Variants in LYRM1 observed in about 807,000 individuals in gnomAD.
The protein encoded by LYRM1 is LYR motif-containing protein 1.
In LYRM1, 14 loss-of-function variants were observed where a neutral mutation model predicts 14.9. The ratio of observed to expected loss-of-function variants is 0.94; its 90% CI spans 0.62 to 1.47. LYRM1 has a LOEUF of 1.47. LYRM1 is among the 40% of genes most tolerant of loss of function. The pLI, the probability that LYRM1 is intolerant of heterozygous loss-of-function variation, is 0.00. For missense variants in LYRM1, 153 were observed against 149.9 expected (o/e 1.02, Z -0.11); for synonymous variants, 43 against 56.2 (o/e 0.77, Z 1.05).
chr16:20,922,717 T>A (rs1419808161), intron 3 of LYRM1, among the ~76,000 whole-genome samples: 1 of 152,170 alleles, frequency 6.6e-6, no homozygotes, highest in Non-Finnish European at 1.5e-5. Flanking sequence ...CTCAAACTCC[T>A]GACTTGGTGA....
In LYRM1 at chr16:20,913,588, A is replaced by G. The variant is rs1199220631; in HGVS notation, c.1-1968A>G. 3.3e-5 allele frequency among the ~76,000 whole-genome samples: 5 copies of G among 152,292 alleles called. No homozygotes were observed. In the East Asian group the frequency reaches 9.6e-4, roughly 29 times the overall value. On this transcript the variant is annotated intron_variant, in intron 1 of 3. Transcript: ENST00000567954. ...CGGCCTCCCAAACTGCTGGGATTAC[A>G]GGCATGAGCCACTGTACCTGGCCTC...
intron 2 of LYRM1, 36 bp from the exon 3 acceptor site, chr16:20,920,085 GA>G: frequency 2.1e-6 from 3 of 1,424,562 alleles, no homozygotes; most frequent in South Asian, 1.2e-5. Flanking sequence ...CCATTAGAAA[GA>G]TACTATCAGC....
chr16:20,913,617 A>G (rs1162408345), intron 1 of LYRM1, among the ~76,000 whole-genome samples: 2 of 151,482 alleles, frequency 1.3e-5, no homozygotes, highest in Non-Finnish European at 2.9e-5. Flanking sequence ...TGGCCTCTAT[A>G]TCTTTTTGTA....
chr16:20,904,694 TGTGTG>T (rs2082233087), intron 1 of LYRM1, among the ~76,000 whole-genome samples: 5 of 146,950 alleles, frequency 3.4e-5, no homozygotes, highest in African/African-American at 1.3e-4. Flanking sequence ...TCTGTGGTTG[TGTGTG>T]TGTGTGTGTG....
chr16:20,907,664 A>C (rs1259800570), intron 1 of LYRM1, among the ~76,000 whole-genome samples: 1 of 151,964 alleles, frequency 6.6e-6, no homozygotes, highest in East Asian at 1.9e-4. Context: ...GCCCTGCCTC[A>C]TGTTCATCTT....
intron 3 of LYRM1, 34 bp from the exon 4 acceptor site, chr16:20,923,966 G>A (rs944713487): frequency 1.7e-6 from 2 of 1,177,272 alleles, no homozygotes; most frequent in African/African-American, 1.5e-5. Context: ...CAATGATGAT[G>A]AATATGATTC....
chr16:20,909,021 T>G (rs2082456058), intron 1 of LYRM1, among the ~76,000 whole-genome samples: 1 of 152,220 alleles, frequency 6.6e-6, no homozygotes, highest in African/African-American at 2.4e-5. Context: ...TCACTCAAAA[T>G]TATGGGTTTG....
chr16:20,920,029 A>T, intron 2 of LYRM1, 93 bp from the exon 3 acceptor site: 1 of 652,910 alleles, frequency 1.5e-6, no homozygotes, highest in African/African-American at 1.9e-5. Context: ...TTTACTGGCT[A>T]GTGAACTAAA....
chr16:20,924,738 G>T lies in LYRM1; in HGVS notation c.*622G>T, dbSNP rs561894286. ...TGTCATTACTTAGGATGCACTTATA[G>T]GATCTGAAAAGCTCACTTTAAACTC... On this transcript the variant is annotated 3_prime_UTR_variant, in exon 4 of 4. Coordinates refer to ENST00000567954, the MANE Select transcript of LYRM1 (RefSeq NM_001128302.3). 1 of 152,254 alleles carries T rather than the reference G, an allele frequency of 6.6e-6. No individual in the cohort carries two copies. Among genetic ancestry groups the T allele is most frequent in the African/African-American group, 2.4e-5 (1 of 41,550 alleles). The allele number at this position is 152,254 out of a possible 1,614,324, so 9.4% of individuals were successfully genotyped here.
chr16:20,904,259 T>G (rs2082205966), intron 1 of LYRM1, among the ~76,000 whole-genome samples: 1 of 152,204 alleles, frequency 6.6e-6, no homozygotes, highest in South Asian at 2.1e-4. Flanking sequence ...GTAGCCTGAT[T>G]GGAGTTCCCC....
intron 1 of LYRM1, among the ~76,000 whole-genome samples, chr16:20,911,771 T>C (rs2082606043): frequency 6.6e-6 from 1 of 152,176 alleles, no homozygotes; most frequent in Non-Finnish European, 1.5e-5. Context: ...CTTTGTTTTT[T>C]CATTTTTATA....
At chr16:20,914,117 A>G (rs1010093757) in intron 1 of LYRM1, among the ~76,000 whole-genome samples, 1 of 151,990 alleles carries the variant, frequency 6.6e-6, no homozygotes, top group African/African-American at 2.4e-5. Context: ...CAGTCATCAG[A>G]AAGATTTTTA....
At position 20,915,244 on chromosome 16, in the gene LYRM1, G is replaced by A. The variant is rs1361549003; in HGVS notation, c.1-312G>A. Among the ~76,000 whole-genome samples, 5 of 152,012 alleles carry A rather than the reference G, an allele frequency of 3.3e-5. No individual in the cohort carries two copies. In the South Asian group the frequency reaches 1.0e-3, roughly 32 times the overall value. On this transcript the variant is annotated intron_variant, in intron 1 of 3. Coordinates refer to ENST00000567954, the MANE Select transcript of LYRM1 (RefSeq NM_001128302.3). ...TCCCAGCACTTTGGGAGGCCGAGGCGGGCAGATCACGAGGTCAGGAGATCG... is the reference window on the plus strand; with the variant it reads ...TCCCAGCACTTTGGGAGGCCGAGGCAGGCAGATCACGAGGTCAGGAGATCG...
intron 1 of LYRM1, among the ~76,000 whole-genome samples, chr16:20,903,990 AATGAATG>A (rs2082191013): frequency 6.6e-6 from 1 of 152,036 alleles, no homozygotes; most frequent in South Asian, 2.1e-4. Flanking sequence ...TGAATGAATG[AATGAATG>A]ATCTTTAGCA....
intron 1 of LYRM1, among the ~76,000 whole-genome samples, chr16:20,903,997 G>A (rs373302946): frequency 6.9e-6 from 1 of 144,788 alleles, no homozygotes; most frequent in African/African-American, 2.5e-5. Context: ...ATGAATGAAT[G>A]ATCTTTAGCA....
intron 1 of LYRM1, among the ~76,000 whole-genome samples, chr16:20,906,532 C>G (rs184063746): frequency 4.1e-4 from 63 of 152,274 alleles, no homozygotes; most frequent in African/African-American, 1.3e-3. Context: ...TGTTTAACTT[C>G]CTGGGGCTTG....
At chr16:20,909,445 A>C (rs764347023) in intron 1 of LYRM1, among the ~76,000 whole-genome samples, 10 of 152,230 alleles carry the variant, frequency 6.6e-5, no homozygotes, top group Non-Finnish European at 1.3e-4. Context: ...ACATGGATAG[A>C]CTTCGTGACC....
intron 1 of LYRM1, 32 bp from the exon 2 acceptor site, chr16:20,915,524 A>G (rs774846300): frequency 6.3e-7 from 1 of 1,595,982 alleles, no homozygotes; most frequent in Non-Finnish European, 8.5e-7. Flanking sequence ...TTTTATGCAA[A>G]TTTTCCCTCT....
rs2152561435 is a variant in LYRM1, at chr16:20,924,969, G to T, written c.*853G>T. On this transcript the variant is annotated 3_prime_UTR_variant, in exon 4 of 4. Coordinates refer to ENST00000567954, the MANE Select transcript of LYRM1 (RefSeq NM_001128302.3). ...GTGTCATTTCTTCTTAACCTCTGAAGAAGATGGGCATCAGAAATAAAGACA... is the reference window on the plus strand; with the variant it reads ...GTGTCATTTCTTCTTAACCTCTGAATAAGATGGGCATCAGAAATAAAGACA... 6.6e-6 allele frequency: 1 copy of T among 152,278 alleles called. No individual in the cohort carries two copies. Among genetic ancestry groups the T allele is most frequent in the Non-Finnish European group, 1.5e-5 (1 of 68,022 alleles). The allele number at this position is 152,278 out of a possible 1,614,324, so 9.4% of individuals were successfully genotyped here. A position where few individuals can be genotyped will look rare whatever the true frequency, so the allele number is the denominator to read the frequency against.
Sources: allele counts gnomAD v4.1 joint callset (sites outside exome capture counted in the v4.1 genomes callset), GRCh38; gene constraint gnomAD v4.1.1; transcripts MANE v1.5; gene names NCBI Gene and HGNC (gene_info 2026-07-23, HGNC 2026-07-21).